SPINT2: variants seen among roughly 807,000 people sequenced by gnomAD.
SPINT2 encodes the protein kunitz-type protease inhibitor 2.
In SPINT2, 18 loss-of-function variants were observed where a neutral mutation model predicts 30.1. The observed-to-expected ratio is 0.60, with a 90% CI of 0.41 to 0.89. SPINT2 has a LOEUF of 0.89. Ranked by LOEUF, SPINT2 falls within the 40% of genes least tolerant of loss-of-function variation. SPINT2 has a pLI of 0.00. For synonymous variants in SPINT2, 139 were observed against 137.9 expected, an observed-to-expected ratio of 1.01 and a Z score of -0.05; for missense variants, 276 against 334.3, an observed-to-expected ratio of 0.83 and a Z score of 1.36.
chr19:38,274,113 C>G (rs917656310), intron 1 of SPINT2, among the ~76,000 whole-genome samples: 37 of 151,964 alleles, frequency 2.4e-4, no homozygotes, highest in African/African-American at 8.7e-4. Flanking sequence ...CGCCTATAGT[C>G]CCAGCTACTT....
chr19:38,276,499 G>A (rs1012116179), intron 1 of SPINT2, among the ~76,000 whole-genome samples: 14 of 151,848 alleles, frequency 9.2e-5, no homozygotes, highest in Non-Finnish European at 1.5e-4. Context: ...AAAATCAGCC[G>A]CGTGTGGTGG....
In SPINT2 at chr19:38,292,064, T is replaced by A; in HGVS notation, c.*58T>A. 11 of 1,595,774 alleles carry A rather than the reference T, an allele frequency of 6.9e-6. No individual in the cohort carries two copies. In the South Asian group the frequency reaches 7.9e-5, roughly 11 times the overall value. ...GGGGAGACTATGTGTGAGCTTTTTTTAAATAGAGGGATTGACTCGGATTTG... is the reference window on the plus strand; with the variant it reads ...GGGGAGACTATGTGTGAGCTTTTTTAAAATAGAGGGATTGACTCGGATTTG... On this transcript the variant is annotated 3_prime_UTR_variant, in exon 7 of 7. Transcript: ENST00000301244.
intron 1 of SPINT2, among the ~76,000 whole-genome samples, chr19:38,283,154 G>A (rs564108168): frequency 6.6e-6 from 1 of 151,826 alleles, no homozygotes; most frequent in East Asian, 1.9e-4. Context: ...TGTACTAAAA[G>A]TTCAGAAAAA....
rs776795833 is a variant in SPINT2 at position 38,291,863 on chromosome 19, G to T, written c.616G>T (p.Val206Leu). 1.2e-6 allele frequency: 2 copies of T among 1,613,038 alleles called. No homozygotes were observed. The highest frequency in any genetic ancestry group is 1.7e-5 in the Admixed American group (1 of 60,008). Residue 206 changes from valine to leucine, a missense_variant, in exon 7 of 7, where the codon GTG becomes TTG. Coordinates refer to ENST00000301244, the MANE Select transcript of SPINT2 (RefSeq NM_021102.4). ...SKVVVLAGLF[V>L]MVLILFLGAS... Reference sequence around the variant, plus strand: ...AGTGGTGGTTCTGGCGGGGCTGTTCGTGATGGTGTTGATCCTCTTCCTGGG... The same window carrying T: ...AGTGGTGGTTCTGGCGGGGCTGTTCTTGATGGTGTTGATCCTCTTCCTGGG...
At chr19:38,283,299 G>A (rs1349631900) in intron 1 of SPINT2, among the ~76,000 whole-genome samples, 1 of 152,184 alleles carries the variant, frequency 6.6e-6, no homozygotes, top group Admixed American at 6.5e-5. Flanking sequence ...TGGCGATGGA[G>A]TGAGACTCTC....
intron 1 of SPINT2, among the ~76,000 whole-genome samples, chr19:38,267,695 A>G (rs1264452216): frequency 6.6e-6 from 1 of 152,038 alleles, no homozygotes; most frequent in Non-Finnish European, 1.5e-5. Context: ...CTTGGGACCT[A>G]GAGGTCAGAG....
intron 1 of SPINT2, chr19:38,265,206 G>C: frequency 3.8e-6 from 2 of 531,274 alleles, no homozygotes; most frequent in South Asian, 4.4e-5. Context: ...GAGGAGCGAG[G>C]GTTAGGAGAG....
Position 38,288,991 on chromosome 19 carries a change from C to T in SPINT2, c.338-147C>T, listed in dbSNP as rs57347571. The T allele has an allele frequency of 6.6e-4, 487 of 738,802 alleles. 4 individuals are homozygous for T. In the African/African-American group the frequency reaches 7.6e-3, roughly 12 times the overall value. The allele number at this position is 738,802 out of a possible 1,614,324, so 45.8% of individuals were successfully genotyped here. A position where few individuals can be genotyped will look rare whatever the true frequency, so the allele number is the denominator to read the frequency against. On this transcript the variant is annotated intron_variant, in intron 3 of 6. Coordinates refer to ENST00000301244, the MANE Select transcript of SPINT2 (RefSeq NM_021102.4). ...GTAGAGCCCATTAGGGCTGGGGTGACGTGGCAGAGCCGGCCATGGAAGGGG... is the reference window on the plus strand; with the variant it reads ...GTAGAGCCCATTAGGGCTGGGGTGATGTGGCAGAGCCGGCCATGGAAGGGG...
At position 38,291,896 on chromosome 19, in the gene SPINT2, A is replaced by G. The variant is rs1968724888; in HGVS notation, c.649A>G (p.Met217Val). The G allele has an allele frequency of 6.2e-7, 1 of 1,613,748 alleles. No individual in the cohort carries two copies. Among genetic ancestry groups the G allele is most frequent in the Non-Finnish European group, 8.5e-7 (1 of 1,179,952 alleles). Residue 217 changes from methionine (M) to valine (V), a missense_variant, in exon 7 of 7, where the codon ATG (methionine) becomes GTG (valine). By Grantham distance (21) the Met-to-Val change is conservative (BLOSUM62 1). Transcript: ENST00000301244. ...MVLILFLGAS[M>V]VYLIRVARRN... ...GTTGATCCTCTTCCTGGGAGCCTCC[A>G]TGGTCTACCTGATCCGGGTGGCACG...
chr19:38,288,532 C>T (rs1968671479), intron 3 of SPINT2: 1 of 200,626 alleles, frequency 5.0e-6, no homozygotes, highest in African/African-American at 2.3e-5. Context: ...AGCAAATGCA[C>T]CCTCGGGGCA....
Position 38,290,892 on chromosome 19 carries a change from T to A in SPINT2, c.592+317T>A. The A allele has an allele frequency of 2.1e-6, 1 of 472,010 alleles. No individual in the cohort carries two copies. Among genetic ancestry groups the A allele is most frequent in the Non-Finnish European group, 3.9e-6 (1 of 255,156 alleles). 29.2% of individuals were successfully genotyped at this position (472,010 alleles called of 1,614,324 possible). ...CTGGCCTGAGGTGTGGAGGGAGCGC[T>A]GCTATGTGGGGCATAAGAGTTGGTC... is the stretch of plus-strand genomic sequence containing the variant. On this transcript the variant is annotated intron_variant, in intron 6 of 6. Coordinates refer to ENST00000301244, the MANE Select transcript of SPINT2 (RefSeq NM_021102.4). This position sits in a 1 kb window ranked among gnomAD's most constrained non-coding sequence, Gnocchi z 4.3.
chr19:38,278,592 G>T (rs149955809), intron 1 of SPINT2, among the ~76,000 whole-genome samples: 1 of 152,266 alleles, frequency 6.6e-6, no homozygotes, highest in African/African-American at 2.4e-5. Context: ...GGAGGCAGCA[G>T]GATCACTTGA....
intron 1 of SPINT2, among the ~76,000 whole-genome samples, chr19:38,281,307 A>T (rs1453550904): frequency 6.6e-6 from 1 of 152,034 alleles, no homozygotes; most frequent in Admixed American, 6.6e-5. Flanking sequence ...CCAGCTACTC[A>T]GGAGGCTGAG....
At chr19:38,279,841 A>T (rs532609061) in intron 1 of SPINT2, among the ~76,000 whole-genome samples, 1 of 152,132 alleles carries the variant, frequency 6.6e-6, no homozygotes, top group Admixed American at 6.5e-5. Flanking sequence ...TTTAGTAGAG[A>T]TGGGGTTTCG....
intron 1 of SPINT2, among the ~76,000 whole-genome samples, chr19:38,275,608 A>G (rs1968507348): frequency 6.6e-6 from 1 of 152,168 alleles, no homozygotes; most frequent in African/African-American, 2.4e-5. Context: ...TTTTTTGTAG[A>G]GACAGGGTCT....
intron 1 of SPINT2, among the ~76,000 whole-genome samples, chr19:38,271,244 C>G (rs891952993): frequency 2.6e-5 from 4 of 152,166 alleles, no homozygotes; most frequent in African/African-American, 9.7e-5. Context: ...GTAACCCCAG[C>G]ACTTTGGGAG....
intron 1 of SPINT2, among the ~76,000 whole-genome samples, chr19:38,268,277 G>T (rs905397187): frequency 6.6e-6 from 1 of 152,120 alleles, no homozygotes; most frequent in African/African-American, 2.4e-5. Flanking sequence ...GCAGACAGAG[G>T]TGGGGGGAAA....
intron 1 of SPINT2, among the ~76,000 whole-genome samples, chr19:38,271,336 A>G (rs929782459): frequency 3.3e-5 from 5 of 151,552 alleles, no homozygotes; most frequent in African/African-American, 9.7e-5. Flanking sequence ...CTAAAAATAC[A>G]AAAAAATTAG....
At chr19:38,268,540 T>C (rs3786877) in intron 1 of SPINT2, among the ~76,000 whole-genome samples, 63,929 of 152,092 alleles carry the variant, frequency 0.42, 14,271 homozygotes, top group East Asian at 0.64. Flanking sequence ...CAGCAGTCCC[T>C]GGCAGGAGCC....
Sources: allele counts gnomAD v4.1 joint callset (sites outside exome capture counted in the v4.1 genomes callset), GRCh38; gene constraint gnomAD v4.1.1; non-coding constraint Gnocchi (gnomAD v3.1); transcripts MANE v1.5; gene names NCBI Gene and HGNC (gene_info 2026-07-23, HGNC 2026-07-21).